ZNF536: variants seen among roughly 807,000 people sequenced by gnomAD.
The protein encoded by ZNF536 is zinc finger protein 536.
Under a neutral mutation model 84.5 loss-of-function variants are expected in ZNF536, and 13 were observed. The ratio of observed to expected loss-of-function variants is 0.15; its 90% CI spans 0.10 to 0.24. The LOEUF (loss-of-function observed/expected upper bound fraction) is 0.24, where lower values mean the gene tolerates loss of function less well. Among genes scored for constraint, ZNF536 ranks in the 10% least tolerant of loss-of-function variants. The pLI is 1.00. For missense variants in ZNF536, 1,536 were observed against 1,747.5 expected, an observed-to-expected ratio of 0.88 and a Z score of 2.16; for synonymous variants, 811 against 742.5, an observed-to-expected ratio of 1.09 and a Z score of -1.50.
intron 1 of ZNF536, among the ~76,000 whole-genome samples, chr19:30,264,605 C>G (rs138503654): frequency 3.8e-4 from 58 of 151,830 alleles, no homozygotes; most frequent in African/African-American, 1.4e-3. Context: ...TTTTTTGAAG[C>G]CAAGGCTATT....
intron 1 of ZNF536, among the ~76,000 whole-genome samples, chr19:30,642,709 C>G (rs2147351851): frequency 6.6e-6 from 1 of 152,296 alleles, no homozygotes; most frequent in South Asian, 2.1e-4. Context: ...AAAGGAGAGA[C>G]TGTTGTGCTG....
chr19:30,282,486 C>G (rs908339550), intron 1 of ZNF536, among the ~76,000 whole-genome samples: 1 of 152,224 alleles, frequency 6.6e-6, no homozygotes, highest in Non-Finnish European at 1.5e-5. Flanking sequence ...GATGAAGACT[C>G]TCTGTGTTCT....
At chr19:30,337,396 G>A (rs1439468280) in intron 2 of ZNF536, among the ~76,000 whole-genome samples, 1 of 152,204 alleles carries the variant, frequency 6.6e-6, no homozygotes, top group Non-Finnish European at 1.5e-5. Flanking sequence ...CTTTAGTCAG[G>A]CCTTTCCTGG....
chr19:30,656,995 T>A (rs1359985191), intron 1 of ZNF536, among the ~76,000 whole-genome samples: 2 of 152,144 alleles, frequency 1.3e-5, no homozygotes, highest in African/African-American at 2.4e-5. Flanking sequence ...GGCCGGCCCT[T>A]TTGCAGGGAC....
At position 30,444,697 on chromosome 19, in the gene ZNF536, G is replaced by A. The variant is rs200416337; in HGVS notation, c.1135G>A (p.Gly379Ser). Residue 379 changes from glycine to serine, a missense_variant, in exon 2 of 5, where the codon GGC becomes AGC. By Grantham distance (56) the Gly-to-Ser change is moderately conservative (BLOSUM62 0). Transcript: ENST00000355537. ...CTTTGAGCACTGCTGCCAGATCTGC[G>A]GCCGGCGCTTCAAGGAGCCCTGGTT... ...DSFEHCCQIC[G>S]RRFKEPWFLK... is the part of the protein sequence containing the mutation. 6.2e-6 allele frequency: 10 copies of A among 1,613,964 alleles called. No individual in the cohort carries two copies. The South Asian group carries it at 8.8e-5, about 14-fold the overall frequency.
intron 1 of ZNF536, among the ~76,000 whole-genome samples, chr19:30,651,306 G>A (rs2049697352): frequency 6.6e-6 from 1 of 152,218 alleles, no homozygotes; most frequent in Admixed American, 6.5e-5. Flanking sequence ...AAGCGCCCCA[G>A]TTGGGCACTG....
At chr19:30,578,482 C>T (rs1019705621) in intron 1 of ZNF536, among the ~76,000 whole-genome samples, 3 of 152,240 alleles carry the variant, frequency 2.0e-5, no homozygotes, top group Admixed American at 6.5e-5. Flanking sequence ...TGCTGGACAT[C>T]TTGGCTTTTT....
At chr19:30,650,652 C>T (rs528556272) in intron 1 of ZNF536, among the ~76,000 whole-genome samples, 16 of 152,082 alleles carry the variant, frequency 1.1e-4, no homozygotes, top group African/African-American at 1.9e-4. Flanking sequence ...ACTTGCTGTC[C>T]GTAGAAAGAG....
chr19:30,387,172 C>A (rs1458343292), intron 1 of ZNF536, among the ~76,000 whole-genome samples: 1 of 152,182 alleles, frequency 6.6e-6, no homozygotes, highest in Non-Finnish European at 1.5e-5. Context: ...TGTCCCTTGG[C>A]TAGAACCTGT....
chr19:30,584,403 G>A (rs2047026410), intron 1 of ZNF536, among the ~76,000 whole-genome samples: 2 of 152,222 alleles, frequency 1.3e-5, no homozygotes, highest in African/African-American at 4.8e-5. Flanking sequence ...TGTTTAGTCT[G>A]GGTGTAGTGG....
At chr19:30,539,432 C>T (rs143635847) in intron 3 of ZNF536, among the ~76,000 whole-genome samples, 136 of 152,328 alleles carry the variant, frequency 8.9e-4, no homozygotes, top group African/African-American at 2.9e-3. Context: ...TTCAAACGTT[C>T]ATCTCATCCA....
intron 1 of ZNF536, among the ~76,000 whole-genome samples, chr19:30,569,144 C>T (rs1220543842): frequency 6.6e-6 from 1 of 152,150 alleles, no homozygotes; most frequent in African/African-American, 2.4e-5. Flanking sequence ...TTTTTCTAAG[C>T]CTAGTGTGCA....
At chr19:30,538,403 A>C (rs1039820881) in intron 3 of ZNF536, among the ~76,000 whole-genome samples, 1 of 152,126 alleles carries the variant, frequency 6.6e-6, no homozygotes, top group Admixed American at 6.5e-5. Context: ...TCTTTATTGG[A>C]AGTCTCGATC....
chr19:30,304,279 G>A (rs965709855), intron 2 of ZNF536, among the ~76,000 whole-genome samples: 2 of 152,160 alleles, frequency 1.3e-5, no homozygotes, highest in South Asian at 2.1e-4. Flanking sequence ...AGAAAACGGC[G>A]CAGACGAAGG....
At chr19:30,587,096 A>G (rs1568578112) in intron 1 of ZNF536, among the ~76,000 whole-genome samples, 1 of 152,254 alleles carries the variant, frequency 6.6e-6, no homozygotes, top group Non-Finnish European at 1.5e-5. Flanking sequence ...AGGAGCTATG[A>G]TACCTTTTTC....
At chr19:30,467,259 A>G (rs556405085) in intron 2 of ZNF536, among the ~76,000 whole-genome samples, 2 of 152,224 alleles carry the variant, frequency 1.3e-5, no homozygotes, top group South Asian at 2.1e-4. Flanking sequence ...GTACCCATTC[A>G]CCACAACTCC....
intron 1 of ZNF536, among the ~76,000 whole-genome samples, chr19:30,682,695 C>T (rs1171319303): frequency 6.6e-6 from 1 of 152,170 alleles, no homozygotes; most frequent in African/African-American, 2.4e-5. Flanking sequence ...CTCTGCCTCC[C>T]CTCAGCCCGG....
chr19:30,600,494 C>G (rs908893081), intron 1 of ZNF536, among the ~76,000 whole-genome samples: 1 of 152,174 alleles, frequency 6.6e-6, no homozygotes, highest in Non-Finnish European at 1.5e-5. Context: ...ACAGGCTGAC[C>G]GTTTCATGAA....
chr19:30,579,740 AT>A (rs2146652168), intron 1 of ZNF536, among the ~76,000 whole-genome samples: 1 of 152,304 alleles, frequency 6.6e-6, no homozygotes, highest in South Asian at 2.1e-4. Context: ...ATTGAGTTAT[AT>A]GGACAGTGGT....
Sources: gnomAD v4.1 joint callset for allele counts (sites outside exome capture counted in the v4.1 genomes callset) on GRCh38, gnomAD v4.1.1 for gene constraint, MANE v1.5 for transcripts, NCBI Gene and HGNC (gene_info 2026-07-23, HGNC 2026-07-21) for gene names.